Variants in GLDC observed in about 807,000 individuals in gnomAD.
GLDC encodes the protein glycine decarboxylase.
Under a neutral mutation model 121.3 loss-of-function variants are expected in GLDC, and 104 were observed. The observed-to-expected ratio is 0.86, with a 90% CI of 0.73 to 1.01. GLDC has a LOEUF of 1.01. Ranked by LOEUF, GLDC falls within the 50% of genes least tolerant of loss-of-function variation. The pLI is 0.00. For synonymous variants in GLDC, 546 were observed against 480.6 expected (o/e 1.14, Z -1.78); for missense variants, 1,429 against 1,306.6 (o/e 1.09, Z -1.44).
At chr9:6,606,821 C>G in intron 4 of GLDC, 152 bp from the exon 5 acceptor site, 1 of 680,242 alleles carries the variant, frequency 1.5e-6, no homozygotes, top group South Asian at 1.5e-5. Flanking sequence ...GCCTGTAATC[C>G]CAGCACTTTG....
At chr9:6,555,932 TA>T (rs1243701357) in intron 18 of GLDC, among the ~76,000 whole-genome samples, 4 of 152,220 alleles carry the variant, frequency 2.6e-5, no homozygotes, top group African/African-American at 9.6e-5. Context: ...GTCCCCCAAG[TA>T]ATCAGGATTG....
intron 21 of GLDC, among the ~76,000 whole-genome samples, chr9:6,543,421 GGA>G (rs1197235966): frequency 2.6e-5 from 4 of 152,152 alleles, no homozygotes; most frequent in Non-Finnish European, 4.4e-5. Context: ...CAGCGCAAGA[GGA>G]GAGTCTTCCA....
At chr9:6,554,977 C>A in intron 18 of GLDC, 196 bp from the exon 19 acceptor site, 1 of 634,596 alleles carries the variant, frequency 1.6e-6, no homozygotes, top group South Asian at 1.8e-5. Flanking sequence ...AGGCAGAGTG[C>A]TTGTGGTTGC....
At chr9:6,602,484 C>T (rs2129886816) in intron 7 of GLDC, among the ~76,000 whole-genome samples, 1 of 150,578 alleles carries the variant, frequency 6.6e-6, no homozygotes, top group Non-Finnish European at 1.5e-5. Flanking sequence ...TCAAACGATT[C>T]TACTGCATCA....
At chr9:6,626,000 G>A (rs558146755) in intron 2 of GLDC, among the ~76,000 whole-genome samples, 7 of 152,100 alleles carry the variant, frequency 4.6e-5, no homozygotes, top group South Asian at 2.1e-4. Context: ...ACTCCAGATC[G>A]CTTCCCTCTG....
chr9:6,610,690 A>T (rs1818834144), intron 3 of GLDC, among the ~76,000 whole-genome samples: 1 of 152,124 alleles, frequency 6.6e-6, no homozygotes, highest in Admixed American at 6.6e-5. Flanking sequence ...GCCTCAATGT[A>T]CAAGGCTCAA....
Position 6,532,853 on chromosome 9 carries a change from C to T in GLDC, c.*164G>A. 1.4e-6 allele frequency: 1 copy of T among 690,764 alleles called. No homozygotes were observed. Among genetic ancestry groups the T allele is most frequent in the Non-Finnish European group, 2.6e-6 (1 of 381,628 alleles). The allele number at this position is 690,764 out of a possible 1,614,324, so 42.8% of individuals were successfully genotyped here. A position where few individuals can be genotyped will look rare whatever the true frequency, so the allele number is the denominator to read the frequency against. ...CGTCTTCCAACCATCAGCTTCGACT[C>T]CCTCCAGCTACTGTATTTACATTTA... On this transcript the variant is annotated 3_prime_UTR_variant, in exon 25 of 25. Transcript: ENST00000321612.
At chr9:6,639,320 A>T in intron 2 of GLDC, 1 of 930,398 alleles carries the variant, frequency 1.1e-6, no homozygotes, top group Non-Finnish European at 1.8e-6. Context: ...CAGCCCAAAT[A>T]TCCTCGGAAG....
intron 23 of GLDC, among the ~76,000 whole-genome samples, chr9:6,535,490 C>G (rs201139080): frequency 1.3e-5 from 2 of 151,886 alleles, no homozygotes; most frequent in African/African-American, 2.4e-5. Context: ...CAGACTTGTT[C>G]TCTGGCTTAC....
intron 2 of GLDC, among the ~76,000 whole-genome samples, chr9:6,630,072 G>C (rs935046818): frequency 6.7e-6 from 1 of 149,988 alleles, no homozygotes; most frequent in Non-Finnish European, 1.5e-5. Context: ...TTACAGGCAT[G>C]AGCCACCCCA....
intron 24 of GLDC, among the ~76,000 whole-genome samples, chr9:6,533,454 T>C (rs1369237525): frequency 6.6e-6 from 1 of 152,254 alleles, no homozygotes; most frequent in Non-Finnish European, 1.5e-5. Context: ...TTGGAATCTA[T>C]GTTTATCTGC....
At chr9:6,629,959 T>TA (rs1449751329) in intron 2 of GLDC, among the ~76,000 whole-genome samples, 579 of 55,850 alleles carry the variant, frequency 0.01, 62 homozygotes, top group African/African-American at 0.057. Flanking sequence ...ATATATATAT[T>TA]TTTTTTTTTT....
At chr9:6,589,318 G>C (rs1818331544) in intron 11 of GLDC, 26 bp from the exon 12 acceptor site, 5 of 1,414,358 alleles carry the variant, frequency 3.5e-6, no homozygotes, top group Non-Finnish European at 2.0e-6. Context: ...AGAGATGATA[G>C]GGCCAGAACT....
chr9:6,583,373 T>C (rs1818208164), intron 15 of GLDC, among the ~76,000 whole-genome samples: 1 of 152,160 alleles, frequency 6.6e-6, no homozygotes, highest in Admixed American at 6.6e-5. Flanking sequence ...CAATGAAATA[T>C]TCCACCTTAA....
At chr9:6,590,021 C>T (rs13297203) in intron 11 of GLDC, among the ~76,000 whole-genome samples, 2 of 151,052 alleles carry the variant, frequency 1.3e-5, no homozygotes, top group African/African-American at 4.9e-5. Flanking sequence ...TGCCACTGCA[C>T]GCCACCCTGG....
Position 6,532,632 on chromosome 9 carries a change from T to A in GLDC, c.*385A>T, listed in dbSNP as rs1422772679. The A allele has an allele frequency of 1.4e-5, 3 of 217,130 alleles. No individual in the cohort carries two copies. Among genetic ancestry groups the A allele is most frequent in the African/African-American group, 6.8e-5 (3 of 44,022 alleles). The allele number at this position is 217,130 out of a possible 1,614,324, so 13.5% of individuals were successfully genotyped here. A position where few individuals can be genotyped will look rare whatever the true frequency, so the allele number is the denominator to read the frequency against. On this transcript the variant is annotated 3_prime_UTR_variant, in exon 25 of 25. Coordinates refer to ENST00000321612, the MANE Select transcript of GLDC (RefSeq NM_000170.3). ...CAAAATGTAAACATTTGCCCTGGGA[T>A]TTCCCACAGATGGCACAGTCCACAT...
chr9:6,575,760 A>G (rs934841660), intron 15 of GLDC, among the ~76,000 whole-genome samples: 5 of 152,172 alleles, frequency 3.3e-5, no homozygotes, highest in Non-Finnish European at 7.3e-5. Context: ...GGTGTTAATT[A>G]CTCTTTCTGT....
intron 21 of GLDC, chr9:6,541,345 A>G (rs994584433): frequency 4.6e-5 from 7 of 152,038 alleles, no homozygotes; most frequent in African/African-American, 1.4e-4. Context: ...GAAAGTATCT[A>G]CTCATGAGAT....
intron 17 of GLDC, 164 bp downstream of exon 17, chr9:6,558,395 C>A: frequency 1.3e-6 from 1 of 791,516 alleles, no homozygotes; most frequent in Non-Finnish European, 2.2e-6. Context: ...GGGGATTTCT[C>A]CCTGTTGGTG....
Sources: gnomAD v4.1 joint callset for allele counts (sites outside exome capture counted in the v4.1 genomes callset) on GRCh38, gnomAD v4.1.1 for gene constraint, MANE v1.5 for transcripts, NCBI Gene and HGNC (gene_info 2026-07-23, HGNC 2026-07-21) for gene names.